SCN3A: variants seen among roughly 807,000 people sequenced by gnomAD.
The protein encoded by SCN3A is sodium channel protein type 3 subunit alpha.
Under a neutral mutation model 187.6 loss-of-function variants are expected in SCN3A, and 60 were observed. The observed-to-expected ratio is 0.32, with a 90% CI of 0.26 to 0.40. The LOEUF (loss-of-function observed/expected upper bound fraction) is 0.40, where lower values mean the gene tolerates loss of function less well. Among genes scored for constraint, SCN3A ranks in the 10% least tolerant of loss-of-function variants. The pLI is 1.00. For synonymous variants in SCN3A, 788 were observed against 829.2 expected, an observed-to-expected ratio of 0.95 and a Z score of 0.85; for missense variants, 1,601 against 2,428.2, an observed-to-expected ratio of 0.66 and a Z score of 7.16.
At chr2:165,139,637 C>T (rs1470334955) in intron 13 of SCN3A, 29 bp from the exon 14 acceptor site, 69 of 1,613,206 alleles carry the variant, frequency 4.3e-5, no homozygotes, top group Non-Finnish European at 5.8e-5. Context: ...TGGCTCAAAC[C>T]ACTCTTCCCA....
chr2:165,190,602 T>TTATA (rs369530698), intron 1 of SCN3A, among the ~76,000 whole-genome samples: 8 of 145,656 alleles, frequency 5.5e-5, no homozygotes, highest in African/African-American at 2.0e-4. Flanking sequence ...ATATATAACT[T>TTATA]TATATATATA....
At chr2:165,096,864 T>C (rs1186902542) in intron 23 of SCN3A, among the ~76,000 whole-genome samples, 3 of 152,178 alleles carry the variant, frequency 2.0e-5, no homozygotes, top group African/African-American at 7.2e-5. Flanking sequence ...TTCTTAGACA[T>C]TGTTATAATA....
chr2:165,191,619 C>A (rs1203831010), intron 1 of SCN3A, among the ~76,000 whole-genome samples: 1 of 152,120 alleles, frequency 6.6e-6, no homozygotes, highest in Non-Finnish European at 1.5e-5. Context: ...CAAGTCTTGG[C>A]CAAAAGTTTA....
chr2:165,134,263 C>A (rs1394181734), intron 15 of SCN3A, among the ~76,000 whole-genome samples: 2 of 152,150 alleles, frequency 1.3e-5, no homozygotes, highest in African/African-American at 4.8e-5. Context: ...AGATACAGGA[C>A]ATGAAGAATT....
Position 165,097,528 on chromosome 2 carries a change from G to A in SCN3A, c.3967-4C>T. 6.2e-7 allele frequency: 1 copy of A among 1,613,556 alleles called. No individual in the cohort carries two copies. The highest frequency in any genetic ancestry group is 1.1e-5 in the South Asian group (1 of 91,066). On this transcript the variant is annotated splice_polypyrimidine_tract_variant and splice_region_variant and intron_variant, in intron 22 of 27. Coordinates refer to ENST00000283254, the MANE Select transcript of SCN3A (RefSeq NM_006922.4). The stretch of plus-strand genomic sequence containing the variant: ...CAACAAGAGCATTCACAACCACCTA[G>A]AAGAGACAGCGAGGGGAACATAGCT...
chr2:165,154,436 T>C lies in SCN3A; in HGVS notation c.1380+16A>G, dbSNP rs1688890551. On this transcript the variant is annotated intron_variant, in intron 11 of 27. Coordinates refer to ENST00000283254, the MANE Select transcript of SCN3A (RefSeq NM_006922.4). Reference sequence around the variant, plus strand: ...AATAATAATAATGATAAATCTTTGCTTTTATCACTCAGTACCTGAGCTTCT... The same window carrying C: ...AATAATAATAATGATAAATCTTTGCCTTTATCACTCAGTACCTGAGCTTCT... The C allele has an allele frequency of 6.2e-7, 1 of 1,611,030 alleles. No homozygotes were observed. Among genetic ancestry groups the C allele is most frequent in the African/African-American group, 1.3e-5 (1 of 74,852 alleles).
intron 21 of SCN3A, among the ~76,000 whole-genome samples, chr2:165,105,372 C>G (rs1490432988): frequency 2.0e-5 from 3 of 152,066 alleles, no homozygotes; most frequent in Non-Finnish European, 2.9e-5. Context: ...TACTGAGGGG[C>G]TTAAATAGCA....
At chr2:165,164,222 A>G (rs983790035) in intron 6 of SCN3A, among the ~76,000 whole-genome samples, 170 bp downstream of exon 6, 1 of 152,182 alleles carries the variant, frequency 6.6e-6, no homozygotes, top group East Asian at 1.9e-4. Flanking sequence ...CATTTACTGG[A>G]TATATTTACA....
intron 3 of SCN3A, among the ~76,000 whole-genome samples, chr2:165,171,227 A>AT (rs1574290459): frequency 6.6e-6 from 1 of 151,746 alleles, no homozygotes; most frequent in East Asian, 1.9e-4. Context: ...ATCATCTTTT[A>AT]TTTTTTTCCC....
At chr2:165,167,077 T>A (rs1689813694) in intron 5 of SCN3A, among the ~76,000 whole-genome samples, 1 of 152,250 alleles carries the variant, frequency 6.6e-6, no homozygotes, top group East Asian at 1.9e-4. Context: ...TTGTTTGTAT[T>A]TTTAGTAGAG....
intron 22 of SCN3A, 61 bp from the exon 23 acceptor site, chr2:165,097,585 A>C: frequency 6.3e-7 from 1 of 1,577,806 alleles, no homozygotes; most frequent in Non-Finnish European, 8.7e-7. Flanking sequence ...CCATTCCTTC[A>C]ATGTATTTGT....
intron 18 of SCN3A, among the ~76,000 whole-genome samples, chr2:165,123,180 T>TA (rs1331901285): frequency 1.3e-5 from 2 of 152,242 alleles, no homozygotes; most frequent in East Asian, 1.9e-4. Context: ...TTTGCAAGAT[T>TA]AAAAAAATCA....
chr2:165,100,448 T>A, intron 21 of SCN3A, 24 bp from the exon 22 acceptor site: 1 of 1,609,718 alleles, frequency 6.2e-7, no homozygotes, highest in South Asian at 1.1e-5. Flanking sequence ...AAAAAATTAA[T>A]TAGTTCACCA....
intron 4 of SCN3A, among the ~76,000 whole-genome samples, chr2:165,169,302 T>C (rs1318638347): frequency 6.6e-6 from 1 of 151,998 alleles, no homozygotes; most frequent in African/African-American, 2.4e-5. Context: ...AGTAGGTTTG[T>C]AGTGATGTAA....
chr2:165,091,169 G>A lies in SCN3A; in HGVS notation c.4984C>T (p.Leu1662Phe). The stretch of plus-strand genomic sequence containing the variant: ...GCATAGATAAACATGACCAGGAAGA[G>A]CAGGAGGCCGATGTTAAACAACGCA... ...LPALFNIGLLLFLVMFIYAIF... is the reference protein window; with the variant it reads ...LPALFNIGLLFFLVMFIYAIF... The change falls in exon 28 of 28, where the codon CTC becomes TTC. Residue 1662 changes from leucine (L) to phenylalanine (F), a missense_variant. Around this residue, in one of 11 missense-constraint regions of SCN3A, gnomAD observed 320 missense variants for 623.2 expected, o/e 0.51. Coordinates refer to ENST00000283254, the MANE Select transcript of SCN3A (RefSeq NM_006922.4). 6.2e-7 allele frequency: 1 copy of A among 1,614,150 alleles called. No individual in the cohort carries two copies. Among genetic ancestry groups the A allele is most frequent in the Non-Finnish European group, 8.5e-7 (1 of 1,180,010 alleles).
At chr2:165,119,233 A>C (rs1224200228) in intron 18 of SCN3A, among the ~76,000 whole-genome samples, 2 of 152,216 alleles carry the variant, frequency 1.3e-5, no homozygotes, top group Non-Finnish European at 1.5e-5. Context: ...CAGAAATGCT[A>C]CTACATTATT....
At chr2:165,172,289 G>C (rs561834475) in intron 3 of SCN3A, among the ~76,000 whole-genome samples, 2 of 152,128 alleles carry the variant, frequency 1.3e-5, no homozygotes, top group East Asian at 1.9e-4. Context: ...TTGCCTTTTT[G>C]TATTTAAGAC....
chr2:165,164,033 G>C (rs1454255395), intron 6 of SCN3A: 5 of 817,382 alleles, frequency 6.1e-6, no homozygotes, highest in Non-Finnish European at 7.8e-6. Flanking sequence ...TATGCTAAAG[G>C]TTGCTTTTAA....
rs1193407816 is a variant in SCN3A at position 165,162,589 on chromosome 2, T to G, written c.934A>C (p.Thr312Pro). ...NGTFVNVTMSTFNWKDYIGDD... is the reference protein window; with the variant it reads ...NGTFVNVTMSPFNWKDYIGDD... ...CCAATGTAATCCTTCCAGTTAAATG[T>G]GCTCATTGTTACATTAACAAATGTC... The change falls in exon 8 of 28, where the codon ACA (threonine) becomes CCA (proline). Residue 312 changes from threonine (T) to proline (P), a missense_variant. Transcript: ENST00000283254. The G allele has an allele frequency of 6.2e-7, 1 of 1,614,040 alleles. No individual in the cohort carries two copies. Among genetic ancestry groups the G allele is most frequent in the East Asian group, 2.2e-5 (1 of 44,884 alleles).
Sources: gnomAD v4.1 joint callset for allele counts (sites outside exome capture counted in the v4.1 genomes callset) on GRCh38, gnomAD v4.1.1 for gene constraint, gnomAD v4.1.1 regional missense constraint, MANE v1.5 for transcripts, NCBI Gene and HGNC (gene_info 2026-07-23, HGNC 2026-07-21) for gene names.